FAM222B: variants seen among roughly 807,000 people sequenced by gnomAD.
FAM222B encodes the protein family with sequence similarity 222 member B, also known as protein FAM222B.
A neutral mutation model predicts 38.0 loss-of-function variants in FAM222B; 12 were observed. The ratio of observed to expected loss-of-function variants is 0.32; its 90% confidence interval spans 0.20 to 0.51. The LOEUF (loss-of-function observed/expected upper bound fraction) is 0.51, where lower values mean the gene tolerates loss of function less well. Among genes scored for constraint, FAM222B ranks in the 20% least tolerant of loss-of-function variants. The pLI is 0.97. For synonymous variants in FAM222B, 329 were observed against 317.2 expected (o/e 1.04, Z -0.40); for missense variants, 716 against 754.2 (o/e 0.95, Z 0.59).
At chr17:28,837,528 T>G (rs145925956) in intron 1 of FAM222B, among the ~76,000 whole-genome samples, 70 of 152,242 alleles carry the variant, frequency 4.6e-4, no homozygotes, top group African/African-American at 1.6e-3. Context: ...AAAGAAAATT[T>G]AGTATTTTTC....
chr17:28,766,442 A>G (rs1295420485), intron 2 of FAM222B, 144 bp downstream of exon 2: 1 of 666,380 alleles, frequency 1.5e-6, no homozygotes, highest in African/African-American at 1.8e-5. Flanking sequence ...GGGTGACAAG[A>G]GCAAGACTTC....
intron 2 of FAM222B, among the ~76,000 whole-genome samples, 199 bp from the exon 3 acceptor site, chr17:28,760,075 T>C (rs1318003655): frequency 2.6e-5 from 4 of 152,214 alleles, no homozygotes; most frequent in Non-Finnish European, 4.4e-5. Context: ...TAAGTGCTTA[T>C]AGTGGGCCAG....
At chr17:28,812,800 C>A (rs538662574) in intron 1 of FAM222B, among the ~76,000 whole-genome samples, 7 of 151,652 alleles carry the variant, frequency 4.6e-5, no homozygotes, top group African/African-American at 1.4e-4. Context: ...GGAGACCCCC[C>A]CCCACCCACG....
At chr17:28,841,563 A>G (rs1246456108) in intron 1 of FAM222B, among the ~76,000 whole-genome samples, 1 of 151,858 alleles carries the variant, frequency 6.6e-6, no homozygotes, top group Non-Finnish European at 1.5e-5. Context: ...TTTAGTAGAG[A>G]CGGGATTTCA....
At chr17:28,780,598 G>C (rs2036125750) in intron 1 of FAM222B, among the ~76,000 whole-genome samples, 1 of 151,964 alleles carries the variant, frequency 6.6e-6, no homozygotes, top group Non-Finnish European at 1.5e-5. Flanking sequence ...AAATATTGAA[G>C]AGGATGGGTG....
chr17:28,759,685 G>T lies in FAM222B; in HGVS notation c.274C>A (p.Pro92Thr). 6.2e-7 allele frequency: 1 copy of T among 1,613,714 alleles called. No individual in the cohort carries two copies. The highest frequency in any genetic ancestry group is 1.1e-5 in the South Asian group (1 of 91,028). The change falls in exon 3 of 3, where the codon CCG (proline) becomes ACG (threonine). Residue 92 changes from proline (P) to threonine (T), a missense_variant. Transcript: ENST00000581407. The surrounding 1 kb of genome is among the most constrained non-coding windows in gnomAD (Gnocchi z 4.8). ...DTSAQRYSPY[P>T]TQAATKAGLL... is the part of the protein sequence containing the mutation. ...CCTGCCTTGGTGGCAGCCTGTGTCG[G>T]GTAGGGGCTGTAGCGCTGGGCTGAT...
intron 1 of FAM222B, among the ~76,000 whole-genome samples, chr17:28,802,160 C>A (rs2037265704): frequency 1.3e-5 from 2 of 150,610 alleles, no homozygotes; most frequent in African/African-American, 4.9e-5. Flanking sequence ...GGCAATGGTG[C>A]GATCTCGGCT....
chr17:28,849,364 G>A (rs1336510108), intron 1 of FAM222B: 2 of 151,928 alleles, frequency 1.3e-5, no homozygotes, highest in Admixed American at 1.3e-4. Context: ...GAGTAGAGTT[G>A]TTTTTTTTAA....
intron 1 of FAM222B, among the ~76,000 whole-genome samples, chr17:28,841,942 G>C (rs77364616): frequency 0.057 from 8,617 of 152,172 alleles, 675 homozygotes; most frequent in African/African-American, 0.18. Context: ...CAAACAATAC[G>C]CTTCTTATCT....
At chr17:28,812,361 G>A (rs1376300465) in intron 1 of FAM222B, 2 of 152,292 alleles carry the variant, frequency 1.3e-5, no homozygotes, top group African/African-American at 2.4e-5. Context: ...GGGAGGGGGA[G>A]GCGGCTGCTC....
At chr17:28,837,655 T>G (rs570367935) in intron 1 of FAM222B, among the ~76,000 whole-genome samples, 2 of 151,644 alleles carry the variant, frequency 1.3e-5, no homozygotes, top group South Asian at 2.1e-4. Flanking sequence ...TGTTTTTTTT[T>G]TTTTGTTTTT....
chr17:28,804,311 G>A (rs1386755943), intron 1 of FAM222B, among the ~76,000 whole-genome samples: 1 of 151,796 alleles, frequency 6.6e-6, no homozygotes, highest in Non-Finnish European at 1.5e-5. Flanking sequence ...TACCCTACTG[G>A]TTGTTTCTCT....
At chr17:28,790,930 G>C (rs2036652887) in intron 1 of FAM222B, among the ~76,000 whole-genome samples, 1 of 67,708 alleles carries the variant, frequency 1.5e-5, no homozygotes, top group African/African-American at 5.4e-5. Context: ...ACAGAATCTT[G>C]CTCTGTTGCC....
At chr17:28,767,300 C>A (rs1179639053) in intron 1 of FAM222B, among the ~76,000 whole-genome samples, 1 of 152,074 alleles carries the variant, frequency 6.6e-6, no homozygotes, top group African/African-American at 2.4e-5. Flanking sequence ...GGATTAAAGG[C>A]ACCCGCCACC....
intron 2 of FAM222B, among the ~76,000 whole-genome samples, chr17:28,762,393 C>T (rs1182370107): frequency 1.3e-5 from 2 of 151,886 alleles, no homozygotes; most frequent in Admixed American, 6.6e-5. Flanking sequence ...TTTGGGAGGC[C>T]GAGGCGGGTG....
At chr17:28,836,840 A>G (rs1168738883) in intron 1 of FAM222B, among the ~76,000 whole-genome samples, 2 of 152,082 alleles carry the variant, frequency 1.3e-5, no homozygotes, top group Non-Finnish European at 2.9e-5. Flanking sequence ...GGAGGCAGAT[A>G]TTGGGCATAA....
intron 1 of FAM222B, chr17:28,854,861 C>G (rs2039215855): frequency 3.1e-6 from 2 of 635,750 alleles, no homozygotes; most frequent in South Asian, 2.3e-5. Context: ...ACACATTTTC[C>G]CCTTTCCTTA....
intron 1 of FAM222B, among the ~76,000 whole-genome samples, chr17:28,769,070 GTCATC>G (rs2035483629): frequency 6.6e-6 from 1 of 151,158 alleles, no homozygotes; most frequent in Non-Finnish European, 1.5e-5. Context: ...AACTTCACCT[GTCATC>G]TCATCATCTC....
chr17:28,835,419 CACTT>C (rs2038810074), intron 1 of FAM222B, among the ~76,000 whole-genome samples: 1 of 152,002 alleles, frequency 6.6e-6, no homozygotes, highest in African/African-American at 2.4e-5. Flanking sequence ...ACATGGTAGA[CACTT>C]AAATATTTGC....
Sources: allele counts gnomAD v4.1 joint callset (sites outside exome capture counted in the v4.1 genomes callset), GRCh38; gene constraint gnomAD v4.1.1; non-coding constraint Gnocchi (gnomAD v3.1); transcripts MANE v1.5; gene names NCBI Gene and HGNC (gene_info 2026-07-23, HGNC 2026-07-21).